CAMTA1: variants seen among roughly 807,000 people sequenced by gnomAD.
The protein encoded by CAMTA1 is calmodulin-binding transcription activator 1.
CAMTA1 carries 27 observed loss-of-function variants against 170.9 expected under a neutral mutation model. The observed-to-expected ratio is 0.16, with a 90% confidence interval of 0.12 to 0.22. CAMTA1 has a LOEUF of 0.22. Ranked by LOEUF, CAMTA1 falls within the 10% of genes least tolerant of loss-of-function variation. The probability of loss-of-function intolerance (pLI) is 1.00; values close to 1 mark genes in which losing one functional copy is unlikely to be tolerated. For synonymous variants in CAMTA1, 833 were observed against 891.5 expected (o/e 0.93, Z 1.17); for missense variants, 1,619 against 2,217.2 (o/e 0.73, Z 5.42).
At chr1:7,652,433 G>A (rs1241129823) in intron 7 of CAMTA1, among the ~76,000 whole-genome samples, 1 of 152,200 alleles carries the variant, frequency 6.6e-6, no homozygotes, top group African/African-American at 2.4e-5. Context: ...TTGGCCAGAT[G>A]AGTGACAGCT....
At chr1:7,579,721 G>T (rs1012481013) in intron 6 of CAMTA1, among the ~76,000 whole-genome samples, 3 of 151,630 alleles carry the variant, frequency 2.0e-5, no homozygotes, top group African/African-American at 7.3e-5. Flanking sequence ...CACCATGCCC[G>T]GCTAATTTTT....
At chr1:7,256,477 G>A (rs1406404543) in intron 5 of CAMTA1, among the ~76,000 whole-genome samples, 4 of 152,168 alleles carry the variant, frequency 2.6e-5, no homozygotes, top group African/African-American at 7.2e-5. Flanking sequence ...GGAGAATGGC[G>A]TGAACCCGGG....
At chr1:6,991,300 A>G (rs1696333342) in intron 3 of CAMTA1, among the ~76,000 whole-genome samples, 2 of 152,146 alleles carry the variant, frequency 1.3e-5, no homozygotes, top group Admixed American at 6.5e-5. Flanking sequence ...TTTTAAAAGA[A>G]ACTGCTGGAT....
chr1:7,695,060 T>A (rs1304979569), intron 11 of CAMTA1, among the ~76,000 whole-genome samples: 2 of 152,178 alleles, frequency 1.3e-5, no homozygotes, highest in Non-Finnish European at 2.9e-5. Flanking sequence ...TATTATGACA[T>A]CAGAAGGTCT....
intron 5 of CAMTA1, among the ~76,000 whole-genome samples, chr1:7,330,855 G>C (rs1308938162): frequency 1.3e-5 from 2 of 152,208 alleles, no homozygotes; most frequent in African/African-American, 4.8e-5. Context: ...CCAGATACTG[G>C]GGGAAGCAGG....
At chr1:6,836,663 G>A (rs1653293894) in intron 3 of CAMTA1, among the ~76,000 whole-genome samples, 1 of 152,182 alleles carries the variant, frequency 6.6e-6, no homozygotes. Context: ...CGGTAGCACC[G>A]AGGTGGATTC....
In CAMTA1 at chr1:7,492,599, GCA is replaced by G. The variant is rs1327204408; in HGVS notation, c.510+24711_510+24712del. Among the ~76,000 whole-genome samples the G allele has an allele frequency of 9.7e-4, 142 of 146,152 alleles. 1 individual carries two copies. The highest frequency in any genetic ancestry group is 1.4e-3 in the Non-Finnish European group (91 of 66,242). On this transcript the variant is annotated intron_variant, in intron 6 of 22. Transcript: ENST00000303635. The stretch of plus-strand genomic sequence containing the variant: ...CGCAAACCTACATACACACACGCGT[GCA>G]CACACACACACAAATGTACATACAC...
intron 4 of CAMTA1, among the ~76,000 whole-genome samples, chr1:7,140,381 G>A (rs1319230178): frequency 2.0e-5 from 3 of 152,154 alleles, no homozygotes; most frequent in Non-Finnish European, 4.4e-5. Flanking sequence ...ATAGTGAAGA[G>A]ACTGTCTCCA....
intron 6 of CAMTA1, among the ~76,000 whole-genome samples, chr1:7,590,090 C>T (rs535488300): frequency 1.3e-5 from 2 of 152,300 alleles, no homozygotes; most frequent in African/African-American, 2.4e-5. Flanking sequence ...TGGAAGTCTC[C>T]GCCCTGAACT....
chr1:7,399,059 T>C (rs114893733), intron 5 of CAMTA1, among the ~76,000 whole-genome samples: 2,143 of 152,318 alleles, frequency 0.014, 52 homozygotes, highest in African/African-American at 0.048. Context: ...AGTTTGGATA[T>C]GTTTGTCCCT....
intron 5 of CAMTA1, among the ~76,000 whole-genome samples, chr1:7,392,595 G>C (rs1357385453): frequency 6.6e-6 from 1 of 151,612 alleles, no homozygotes; most frequent in Admixed American, 6.6e-5. Flanking sequence ...TTAGCTGGAG[G>C]TGGGCGCAAT....
chr1:7,607,063 G>A (rs945261366), intron 6 of CAMTA1, among the ~76,000 whole-genome samples: 2 of 152,192 alleles, frequency 1.3e-5, no homozygotes, highest in Admixed American at 1.3e-4. Flanking sequence ...AAGGGAGGAC[G>A]GATGCATGGA....
chr1:7,437,683 G>C (rs2092390752), intron 5 of CAMTA1, among the ~76,000 whole-genome samples: 1 of 152,212 alleles, frequency 6.6e-6, no homozygotes, highest in African/African-American at 2.4e-5. Context: ...CCCCTCCCCT[G>C]GGAAACCTCA....
intron 4 of CAMTA1, among the ~76,000 whole-genome samples, chr1:7,209,104 G>A (rs1658294989): frequency 6.6e-6 from 1 of 152,120 alleles, no homozygotes; most frequent in East Asian, 1.9e-4. Context: ...TGTTGTTGTT[G>A]TTGAAACTGT....
chr1:7,491,561 A>C (rs1175343436), intron 6 of CAMTA1, among the ~76,000 whole-genome samples: 1 of 152,172 alleles, frequency 6.6e-6, no homozygotes, highest in South Asian at 2.1e-4. Flanking sequence ...GCGGGGAAAA[A>C]GGCAGAGCGT....
At chr1:6,943,248 G>T (rs943437624) in intron 3 of CAMTA1, among the ~76,000 whole-genome samples, 23 of 151,730 alleles carry the variant, frequency 1.5e-4, no homozygotes, top group Admixed American at 7.9e-4. Flanking sequence ...TGGCGTCCAG[G>T]ACACCATGGT....
At chr1:7,689,030 G>A (rs2096282432) in intron 11 of CAMTA1, among the ~76,000 whole-genome samples, 1 of 152,164 alleles carries the variant, frequency 6.6e-6, no homozygotes. Context: ...GGGAGGCCAA[G>A]GTGGGTGGAT....
intron 6 of CAMTA1, among the ~76,000 whole-genome samples, chr1:7,536,910 C>T (rs561327526): frequency 4.6e-5 from 7 of 152,246 alleles, no homozygotes; most frequent in African/African-American, 1.4e-4. Flanking sequence ...CTCCTGCCCC[C>T]ATTGATCTCT....
intron 5 of CAMTA1, among the ~76,000 whole-genome samples, chr1:7,408,175 A>G (rs2090436924): frequency 6.9e-6 from 1 of 144,172 alleles, no homozygotes; most frequent in African/African-American, 2.6e-5. Flanking sequence ...AGTGGTTGCA[A>G]GTGGCTCAGG....
Sources: allele counts gnomAD v4.1 joint callset (sites outside exome capture counted in the v4.1 genomes callset), GRCh38; gene constraint gnomAD v4.1.1; transcripts MANE v1.5; gene names NCBI Gene and HGNC (gene_info 2026-07-23, HGNC 2026-07-21).